PITHD1: variants seen among roughly 807,000 people sequenced by gnomAD.
PITHD1 encodes the protein PITH domain containing 1.
A neutral mutation model predicts 27.5 loss-of-function variants in PITHD1; 8 were observed. The observed-to-expected ratio is 0.29, with a 90% CI of 0.17 to 0.52. The LOEUF (loss-of-function observed/expected upper bound fraction) is 0.52. Ranked by LOEUF, PITHD1 falls within the 20% of genes least tolerant of loss-of-function variation. The pLI is 0.96. For missense variants in PITHD1, 233 were observed against 283.9 expected (o/e 0.82, Z 1.29); for synonymous variants, 118 against 106.8 (o/e 1.10, Z -0.64).
chr1:23,782,366 C>A (rs146460159), intron 3 of PITHD1, among the ~76,000 whole-genome samples: 75 of 151,700 alleles, frequency 4.9e-4, no homozygotes, highest in African/African-American at 1.8e-3. Context: ...TTGCAGTGAG[C>A]CAAGATTACT....
chr1:23,781,544 A>G (rs909870281), intron 3 of PITHD1, among the ~76,000 whole-genome samples: 4 of 152,208 alleles, frequency 2.6e-5, no homozygotes, highest in African/African-American at 9.7e-5. Flanking sequence ...GAGTATTAGA[A>G]ACATGAATTT....
At position 23,778,685 on chromosome 1, in the gene PITHD1, C is replaced by T; in HGVS notation, c.170C>T (p.Pro57Leu). The change falls in exon 1 of 6, where the codon CCG (proline) becomes CTG (leucine). Residue 57 changes from proline (P) to leucine (L), a missense_variant. Pro to Leu is a moderately conservative substitution (Grantham distance 98). Transcript: ENST00000246151. ...GGCAGCGGCCGCGGCGTCTTCAAGCCGTGGGAGGAGCGGACCGACCGCTCC... is the reference window on the plus strand; with the variant it reads ...GGCAGCGGCCGCGGCGTCTTCAAGCTGTGGGAGGAGCGGACCGACCGCTCC... ...REGSGRGVFK[P>L]WEERTDRSKF... 7.6e-7 allele frequency: 1 copy of T among 1,308,908 alleles called. No individual in the cohort carries two copies. The highest frequency in any genetic ancestry group is 9.7e-7 in the Non-Finnish European group (1 of 1,030,880). 81.1% of individuals were successfully genotyped at this position (1,308,908 alleles called of 1,614,324 possible). A position where few individuals can be genotyped will look rare whatever the true frequency, so the allele number is the denominator to read the frequency against.
At chr1:23,779,744 G>A (rs1364161146) in intron 2 of PITHD1, 120 bp from the exon 3 acceptor site, 2 of 761,114 alleles carry the variant, frequency 2.6e-6, no homozygotes, top group Non-Finnish European at 4.7e-6. Flanking sequence ...AAATTATCTA[G>A]TACAAGTTGA....
At chr1:23,785,013 G>C (rs1408828992) in intron 3 of PITHD1, among the ~76,000 whole-genome samples, 1 of 152,126 alleles carries the variant, frequency 6.6e-6, no homozygotes, top group Non-Finnish European at 1.5e-5. Context: ...CCATGAGTAA[G>C]CTGTTTTATT....
chr1:23,780,250 G>A (rs1026208822), intron 3 of PITHD1, among the ~76,000 whole-genome samples: 1 of 152,008 alleles, frequency 6.6e-6, no homozygotes, highest in Non-Finnish European at 1.5e-5. Context: ...TTAATAACTA[G>A]CTGCAGATCT....
Position 23,778,584 on chromosome 1 carries a change from G to A in PITHD1, c.69G>A (p.Glu23=). 1 of 1,341,198 alleles carries A rather than the reference G, an allele frequency of 7.5e-7. No homozygotes were observed. Among genetic ancestry groups the A allele is most frequent in the Non-Finnish European group, 9.5e-7 (1 of 1,049,172 alleles). The allele number at this position is 1,341,198 out of a possible 1,614,324, so 83.1% of individuals were successfully genotyped here. ...RCAAEREEPP[E]QRGLAYGLYL... is the part of the protein sequence containing the mutation. ...CCGCCGAACGGGAGGAGCCGCCCGA[G>A]CAGCGCGGCCTGGCCTACGGCCTGT... The change falls in exon 1 of 6, where the codon GAG becomes GAA. Residue 23 remains glutamate, a synonymous_variant. Transcript: ENST00000246151.
intron 3 of PITHD1, among the ~76,000 whole-genome samples, 197 bp from the exon 4 acceptor site, chr1:23,785,478 G>C (rs1638668530): frequency 6.8e-6 from 1 of 147,312 alleles, no homozygotes; most frequent in Admixed American, 6.8e-5. Context: ...GGGTGACACA[G>C]TGAGACTCTG....
At chr1:23,783,358 C>CAT (rs368523384) in intron 3 of PITHD1, among the ~76,000 whole-genome samples, 71 of 145,594 alleles carry the variant, frequency 4.9e-4, no homozygotes, top group Middle Eastern at 3.6e-3. Flanking sequence ...CATATATACG[C>CAT]ATATATATAT....
chr1:23,779,121 T>A (rs536290114), intron 1 of PITHD1, among the ~76,000 whole-genome samples: 1 of 152,304 alleles, frequency 6.6e-6, no homozygotes, highest in Non-Finnish European at 1.5e-5. Context: ...CCCTTTGCTA[T>A]CTGTTTGAAA....
chr1:23,786,466 C>T, intron 5 of PITHD1, 43 bp downstream of exon 5: 1 of 875,964 alleles, frequency 1.1e-6, no homozygotes, highest in Non-Finnish European at 1.9e-6. Flanking sequence ...GTCTACATAT[C>T]TGCACACTGT....
At chr1:23,782,036 G>A (rs1638608176) in intron 3 of PITHD1, among the ~76,000 whole-genome samples, 3 of 152,168 alleles carry the variant, frequency 2.0e-5, no homozygotes, top group Admixed American at 2.0e-4. Context: ...ATTGAACTAT[G>A]ACATGTCATT....
intron 3 of PITHD1, among the ~76,000 whole-genome samples, chr1:23,783,549 T>C (rs1395232042): frequency 1.3e-5 from 2 of 151,528 alleles, no homozygotes; most frequent in Non-Finnish European, 2.9e-5. Flanking sequence ...CCTCCTGGGG[T>C]CAAGCGATTC....
Position 23,778,638 on chromosome 1 carries a change from A to G in PITHD1, c.123A>G (p.Gln41=), listed in dbSNP as rs562148184. The G allele has an allele frequency of 1.8e-3, 2,401 of 1,335,864 alleles. 2 individuals are homozygous for G. The highest frequency in any genetic ancestry group is 2.2e-3 in the Non-Finnish European group (2,262 of 1,044,504). The allele number at this position is 1,335,864 out of a possible 1,614,324, so 82.8% of individuals were successfully genotyped here. A position where few individuals can be genotyped will look rare whatever the true frequency, so the allele number is the denominator to read the frequency against. The change falls in exon 1 of 6, where the codon CAA becomes CAG. Residue 41 remains glutamine (Q), a synonymous_variant. Transcript: ENST00000246151. Reference sequence around the variant, plus strand: ...TGCGCATCGACCTGGAGCGGCTGCAATGCCTTAACGAGAGCCGCGAGGGCA... The same window carrying G: ...TGCGCATCGACCTGGAGCGGCTGCAGTGCCTTAACGAGAGCCGCGAGGGCA... ...LYLRIDLERL[Q]CLNESREGSG... is the part of the protein sequence containing the mutation.
chr1:23,780,132 G>A (rs1638575207), intron 3 of PITHD1, among the ~76,000 whole-genome samples, 191 bp downstream of exon 3: 1 of 152,070 alleles, frequency 6.6e-6, no homozygotes, highest in Non-Finnish European at 1.5e-5. Flanking sequence ...TTTAGATTAA[G>A]CATCTTTAGG....
intron 3 of PITHD1, among the ~76,000 whole-genome samples, chr1:23,784,938 TG>T (rs1056653803): frequency 6.0e-4 from 92 of 152,354 alleles, no homozygotes; most frequent in African/African-American, 2.1e-3. Context: ...GCTTGAGCAT[TG>T]GGTTACCTGA....
rs1172067403 is a variant in PITHD1 at position 23,788,172 on chromosome 1, T to C, written c.*796T>C. The C allele has an allele frequency of 1.1e-4, 16 of 152,248 alleles. No homozygotes were observed. 9.4% of individuals were successfully genotyped at this position (152,248 alleles called of 1,614,324 possible). On this transcript the variant is annotated 3_prime_UTR_variant, in exon 6 of 6. Coordinates refer to ENST00000246151, the MANE Select transcript of PITHD1 (RefSeq NM_020362.5). ...CAGAATTTGGAGATTTGAGTTCTTCTTTTCATGGCTTTTATTCACTGTGAC... is the reference window on the plus strand; with the variant it reads ...CAGAATTTGGAGATTTGAGTTCTTCCTTTCATGGCTTTTATTCACTGTGAC...
At position 23,779,440 on chromosome 1, in the gene PITHD1, TG is replaced by T; in HGVS notation, c.202del (p.Val68LeufsTer26). ...TCCCCCCTCCCCATCCCCTCCAGTTTGTTGAAAGTGATGCAGATGAAGAGCT... is the reference window on the plus strand; with the variant it reads ...TCCCCCCTCCCCATCCCCTCCAGTTTTTGAAAGTGATGCAGATGAAGAGCT... ...WEERTDRSKF[V>X]ESDADEELLF... On this transcript the variant is annotated frameshift_variant, in exon 2 of 6. Transcript: ENST00000246151. LOFTEE classifies it high-confidence loss of function. 1 of 1,611,498 alleles carries T rather than the reference TG, an allele frequency of 6.2e-7. No individual in the cohort carries two copies. The highest frequency in any genetic ancestry group is 8.5e-7 in the Non-Finnish European group (1 of 1,177,716).
In PITHD1 at chr1:23,782,817, G is replaced by C. The variant is rs1193767592; in HGVS notation, c.321-2858G>C. 4.6e-5 allele frequency among the ~76,000 whole-genome samples: 7 copies of C among 151,728 alleles called. No individual in the cohort carries two copies. In the South Asian group the frequency reaches 1.2e-3, roughly 27 times the overall value. ...GGGGTTTTGTTATGTTGCCCAGGCT[G>C]GTCTTGAACTCCTGGGATCAAGCAG... On this transcript the variant is annotated intron_variant, in intron 3 of 5. Transcript: ENST00000246151.
intron 1 of PITHD1, 89 bp downstream of exon 1, chr1:23,778,802 C>A: frequency 1.3e-6 from 1 of 799,740 alleles, no homozygotes; most frequent in Non-Finnish European, 1.7e-6. Flanking sequence ...TTAAGAATAA[C>A]GACAGCCTGG....
Sources: allele counts gnomAD v4.1 joint callset (sites outside exome capture counted in the v4.1 genomes callset), GRCh38; gene constraint gnomAD v4.1.1; transcripts MANE v1.5; gene names NCBI Gene and HGNC (gene_info 2026-07-23, HGNC 2026-07-21).